The following CMYA5 variants were observed in gnomAD, a reference collection of about 807,000 sequenced individuals.
CMYA5 encodes cardiomyopathy-associated protein 5.
Under a neutral mutation model 318.9 loss-of-function variants are expected in CMYA5, and 246 were observed. The observed-to-expected ratio is 0.77, with a 90% CI of 0.70 to 0.86. The LOEUF (loss-of-function observed/expected upper bound fraction) is 0.86, where lower values mean the gene tolerates loss of function less well. CMYA5 is among the 40% of genes least tolerant of loss of function. CMYA5 has a pLI of 0.00. For synonymous variants in CMYA5, 1,641 were observed against 1,729.5 expected (o/e 0.95, Z 1.27); for missense variants, 4,589 against 4,678.2 (o/e 0.98, Z 0.56).
chr5:79,731,737 A>G lies in CMYA5; in HGVS notation c.2972A>G (p.Asp991Gly), dbSNP rs1243537111. Reference sequence around the variant, plus strand: ...GAGCACACTATTTTGTCAGATGAAGACACTGAAGAAGCGGAACTGTTCTCT... The same window carrying G: ...GAGCACACTATTTTGTCAGATGAAGGCACTGAAGAAGCGGAACTGTTCTCT... ...PSEHTILSDE[D>G]TEEAELFSPD... The change falls in exon 2 of 13, where the codon GAC (aspartate) becomes GGC (glycine). Residue 991 changes from aspartate (D) to glycine (G), a missense_variant. Physicochemically the swap from Asp to Gly is moderately conservative, Grantham distance 94 (BLOSUM62 -1). Transcript: ENST00000446378. The G allele has an allele frequency of 2.5e-6, 4 of 1,613,842 alleles. No individual in the cohort carries two copies. The highest frequency in any genetic ancestry group is 3.4e-6 in the Non-Finnish European group (4 of 1,179,874).
At position 79,759,849 on chromosome 5, in the gene CMYA5, G is replaced by A. The variant is rs867123767; in HGVS notation, c.11260+947G>A. Among the ~76,000 whole-genome samples, 22 of 152,266 alleles carry A rather than the reference G, an allele frequency of 1.4e-4. 1 individual carries two copies. Among genetic ancestry groups the A allele is most frequent in the Middle Eastern group, 6.8e-3 (2 of 294 alleles). ...AAAAAAGTTTAAAAAAGCAATTATAGGCATGGTGTAAAGTTGGCTAAATCT... is the reference window on the plus strand; with the variant it reads ...AAAAAAGTTTAAAAAAGCAATTATAAGCATGGTGTAAAGTTGGCTAAATCT... On this transcript the variant is annotated intron_variant, in intron 7 of 12. Coordinates refer to ENST00000446378, the MANE Select transcript of CMYA5 (RefSeq NM_153610.5).
rs766860966 is a variant in CMYA5, at chr5:79,729,302, G to A, written c.537G>A (p.Thr179=). 1.4e-5 allele frequency: 22 copies of A among 1,610,584 alleles called. No individual in the cohort carries two copies. The highest frequency in any genetic ancestry group is 4.0e-5 in the African/African-American group (3 of 74,516). The change falls in exon 2 of 13, where the codon ACG becomes ACA. Residue 179 remains threonine (T), a synonymous_variant. Transcript: ENST00000446378. ...PLTSASQVLT[T]EKEKSYTGIY... ...CTTCAGCAAGCCAGGTACTAACCACGGAGAAAGAGAAGTCATATACTGGCA... is the reference window on the plus strand; with the variant it reads ...CTTCAGCAAGCCAGGTACTAACCACAGAGAAAGAGAAGTCATATACTGGCA...
At chr5:79,711,345 C>T (rs965535901) in intron 1 of CMYA5, among the ~76,000 whole-genome samples, 1 of 152,208 alleles carries the variant, frequency 6.6e-6, no homozygotes, top group Non-Finnish European at 1.5e-5. Context: ...TCAGGCACCC[C>T]TGCCACCAAC....
chr5:79,770,625 G>T (rs1249483575), intron 9 of CMYA5, among the ~76,000 whole-genome samples: 3 of 152,098 alleles, frequency 2.0e-5, no homozygotes, highest in African/African-American at 7.2e-5. Flanking sequence ...CATCCACTGA[G>T]ATGAGCTGGG....
chr5:79,768,802 G>T (rs940158353), intron 9 of CMYA5, among the ~76,000 whole-genome samples: 2 of 152,132 alleles, frequency 1.3e-5, no homozygotes, highest in African/African-American at 4.8e-5. Context: ...GAGTATCTTT[G>T]TGGTGGTCTC....
chr5:79,770,065 A>G (rs1269090888), intron 9 of CMYA5, among the ~76,000 whole-genome samples: 10 of 152,142 alleles, frequency 6.6e-5, no homozygotes. Flanking sequence ...GGTGGGTTCC[A>G]CCCAGTTTGA....
At chr5:79,721,345 T>G (rs1827624239) in intron 1 of CMYA5, among the ~76,000 whole-genome samples, 1 of 151,200 alleles carries the variant, frequency 6.6e-6, no homozygotes, top group Non-Finnish European at 1.5e-5. Context: ...AAAAACAAAA[T>G]AAGGCAAGAT....
At chr5:79,744,782 G>A (rs535529051) in intron 3 of CMYA5, among the ~76,000 whole-genome samples, 1 of 152,164 alleles carries the variant, frequency 6.6e-6, no homozygotes, top group Non-Finnish European at 1.5e-5. Flanking sequence ...GGGATAACCT[G>A]CCATCTCACT....
intron 1 of CMYA5, among the ~76,000 whole-genome samples, chr5:79,692,388 A>G (rs777199230): frequency 1.1e-5 from 1 of 93,012 alleles, no homozygotes; most frequent in Non-Finnish European, 2.1e-5. Context: ...TATGATATAT[A>G]TAATTATCTA....
intron 1 of CMYA5, among the ~76,000 whole-genome samples, chr5:79,721,795 C>A (rs566817704): frequency 1.3e-5 from 2 of 152,238 alleles, no homozygotes; most frequent in South Asian, 4.1e-4. Context: ...TATTCTAAAT[C>A]TATTACCTAT....
At position 79,729,806 on chromosome 5, in the gene CMYA5, T is replaced by C. The variant is rs747249359; in HGVS notation, c.1041T>C (p.Ser347=). Residue 347 remains serine (S), a synonymous_variant, in exon 2 of 13, where the codon AGT becomes AGC. Coordinates refer to ENST00000446378, the MANE Select transcript of CMYA5 (RefSeq NM_153610.5). The stretch of plus-strand genomic sequence containing the variant: ...AGCACACAGTTCCCTCTTATTCAAG[T>C]AGTGGCAGAGCAGAACAAGGAATAC... The part of the protein sequence containing the change: ...ALEHTVPSYS[S]SGRAEQGIQL... The C allele has an allele frequency of 7.4e-6, 12 of 1,613,744 alleles. No individual in the cohort carries two copies. Among genetic ancestry groups the C allele is most frequent in the Non-Finnish European group, 1.0e-5 (12 of 1,179,792 alleles).
chr5:79,709,270 C>T (rs903809471), intron 1 of CMYA5, among the ~76,000 whole-genome samples: 2 of 152,028 alleles, frequency 1.3e-5, no homozygotes, highest in Admixed American at 1.3e-4. Flanking sequence ...TCAAATTCTA[C>T]TACCATATTA....
chr5:79,697,509 G>T (rs1186666346), intron 1 of CMYA5, among the ~76,000 whole-genome samples: 3 of 152,212 alleles, frequency 2.0e-5, no homozygotes, highest in African/African-American at 7.2e-5. Context: ...CCGTCACTTA[G>T]TCAAGGAATA....
rs749295131 is a variant in CMYA5 at position 79,735,038 on chromosome 5, GA to G, written c.6274del (p.Ser2092AlafsTer35). 5 of 1,613,862 alleles carry G rather than the reference GA, an allele frequency of 3.1e-6. No homozygotes were observed. The highest frequency in any genetic ancestry group is 4.2e-6 in the Non-Finnish European group (5 of 1,179,824). The part of the protein sequence containing the change: ...ALGNEKEAHR[S>X]TPPFPEEKPL... ...TGGGCAATGAAAAAGAAGCACACAG[GA>G]GCACACCTCCTTTTCCTGAAGAGAA... On this transcript the variant is annotated frameshift_variant, in exon 2 of 13. Coordinates refer to ENST00000446378, the MANE Select transcript of CMYA5 (RefSeq NM_153610.5). LOFTEE classifies it high-confidence loss of function.
intron 1 of CMYA5, among the ~76,000 whole-genome samples, chr5:79,711,985 T>G (rs891687294): frequency 1.3e-5 from 2 of 152,242 alleles, no homozygotes; most frequent in Middle Eastern, 3.4e-3. Flanking sequence ...CAAGGATGCT[T>G]CTCTCCGTAG....
chr5:79,777,993 A>G (rs259120), intron 9 of CMYA5: 74,252 of 151,502 alleles, frequency 0.49, 20,475 homozygotes, highest in East Asian at 0.81. Context: ...AGTGGCAGTT[A>G]CCTGTAATCC....
At chr5:79,704,757 GC>G (rs1347402105) in intron 1 of CMYA5, among the ~76,000 whole-genome samples, 1 of 152,128 alleles carries the variant, frequency 6.6e-6, no homozygotes, top group Non-Finnish European at 1.5e-5. Flanking sequence ...AGAGACCAGA[GC>G]CAAATTGACA....
At position 79,729,267 on chromosome 5, in the gene CMYA5, A is replaced by T. The variant is rs1827819466; in HGVS notation, c.502A>T (p.Ser168Cys). Residue 168 changes from serine to cysteine, a missense_variant, in exon 2 of 13, where the codon AGT becomes TGT. Physicochemically the swap from Ser to Cys is moderately radical, Grantham distance 112 (BLOSUM62 -1). This residue lies in a region of CMYA5 where 2,132 missense variants were observed against 2,131.3 expected (regional missense o/e 1.00). Transcript: ENST00000446378. Reference protein sequence around the residue: ...SQDVPTNKKGSPLTSASQVLT... With the variant: ...SQDVPTNKKGCPLTSASQVLT... ...AGATGTTCCAACAAACAAAAAAGGC[A>T]GTCCTTTAACTTCAGCAAGCCAGGT... 1.9e-6 allele frequency: 3 copies of T among 1,611,274 alleles called. No homozygotes were observed. Among genetic ancestry groups the T allele is most frequent in the Non-Finnish European group, 2.5e-6 (3 of 1,179,250 alleles).
At chr5:79,707,459 A>G (rs573514198) in intron 1 of CMYA5, among the ~76,000 whole-genome samples, 2 of 152,356 alleles carry the variant, frequency 1.3e-5, no homozygotes, top group East Asian at 1.9e-4. Context: ...GAATAATTAG[A>G]AGACATATTA....
Sources: allele counts gnomAD v4.1 joint callset (sites outside exome capture counted in the v4.1 genomes callset), GRCh38; gene constraint gnomAD v4.1.1; regional missense constraint gnomAD v4.1.1; transcripts MANE v1.5; gene names NCBI Gene and HGNC (gene_info 2026-07-23, HGNC 2026-07-21).